Variants in LAMA2 observed in about 807,000 individuals in gnomAD.
The protein encoded by LAMA2 is laminin subunit alpha-2.
In LAMA2, 269 loss-of-function variants were observed where a neutral mutation model predicts 364.8. That is an observed-to-expected ratio of 0.74 (90% confidence interval 0.67 to 0.82). LAMA2 has a LOEUF of 0.82. Ranked by LOEUF, LAMA2 falls within the 40% of genes least tolerant of loss-of-function variation. The pLI, the probability that LAMA2 is intolerant of heterozygous loss-of-function variation, is 0.00. For synonymous variants in LAMA2, 1,379 were observed against 1,370.6 expected, an observed-to-expected ratio of 1.01 and a Z score of -0.14; for missense variants, 3,807 against 3,873.2, an observed-to-expected ratio of 0.98 and a Z score of 0.45.
chr6:128,960,584 G>C (rs550768897), intron 1 of LAMA2, among the ~76,000 whole-genome samples: 1 of 151,808 alleles, frequency 6.6e-6, no homozygotes, highest in Non-Finnish European at 1.5e-5. Flanking sequence ...GGTCTGGAAC[G>C]CCTGACCTCG....
rs773370629 is a variant in LAMA2, at chr6:129,393,269, G to T, written c.5445+14G>T. 11 of 1,594,654 alleles carry T rather than the reference G, an allele frequency of 6.9e-6. No homozygotes were observed. Among genetic ancestry groups the T allele is most frequent in the Non-Finnish European group, 9.5e-6 (11 of 1,162,574 alleles). On this transcript the variant is annotated intron_variant, in intron 37 of 64. Transcript: ENST00000421865. ...ACTGCATTGGAGGTGAGTCTTAGGG[G>T]CACTTTTATCTTAATCTCAGAAGGT...
intron 3 of LAMA2, among the ~76,000 whole-genome samples, chr6:129,091,514 C>G (rs1309826859): frequency 6.6e-6 from 1 of 152,118 alleles, no homozygotes; most frequent in Non-Finnish European, 1.5e-5. Flanking sequence ...GTTTGCTTAC[C>G]TGCAACTTCA....
intron 3 of LAMA2, among the ~76,000 whole-genome samples, chr6:129,089,474 A>G (rs1774668793): frequency 6.6e-6 from 1 of 152,192 alleles, no homozygotes; most frequent in Admixed American, 6.5e-5. Context: ...CATATTTCTG[A>G]TTGCCTGTGA....
chr6:129,060,413 G>A lies in LAMA2; in HGVS notation c.396+517G>A, dbSNP rs190637276. ...TTTGTAGTTATACAAAATTGATGCC[G>A]GAAGTTGTTCAAGTTTGTCTTGCAT... On this transcript the variant is annotated intron_variant, in intron 3 of 64. Coordinates refer to ENST00000421865, the MANE Select transcript of LAMA2 (RefSeq NM_000426.4). 1.6e-4 allele frequency among the ~76,000 whole-genome samples: 25 copies of A among 152,266 alleles called. No individual in the cohort carries two copies. In the East Asian group the frequency reaches 1.7e-3, roughly 11 times the overall value.
chr6:129,333,998 A>G (rs370921616), intron 29 of LAMA2, among the ~76,000 whole-genome samples: 19 of 152,326 alleles, frequency 1.2e-4, no homozygotes, highest in African/African-American at 4.6e-4. Context: ...CAGCTGGTAT[A>G]AACCGTTATG....
intron 12 of LAMA2, among the ~76,000 whole-genome samples, chr6:129,217,198 T>A (rs265359): frequency 0.67 from 100,333 of 149,942 alleles, 35,151 homozygotes; most frequent in Non-Finnish European, 0.78. Flanking sequence ...AAAAAAAAAA[T>A]AATAATAATA....
chr6:129,105,646 A>C (rs1411791758), intron 4 of LAMA2, among the ~76,000 whole-genome samples: 2 of 152,216 alleles, frequency 1.3e-5, no homozygotes, highest in African/African-American at 4.8e-5. Context: ...CAACTGAAGA[A>C]AGAGACTAAC....
chr6:129,294,321 G>T (rs990249888), intron 20 of LAMA2, among the ~76,000 whole-genome samples: 9 of 152,164 alleles, frequency 5.9e-5, no homozygotes, highest in African/African-American at 1.7e-4. Flanking sequence ...CATTCAGAGT[G>T]CTATAAGAGC....
At chr6:128,908,475 G>A (rs1246412988) in intron 1 of LAMA2, among the ~76,000 whole-genome samples, 30 of 147,780 alleles carry the variant, frequency 2.0e-4, no homozygotes, top group Non-Finnish European at 3.2e-4. Context: ...TGGGATCGGT[G>A]GTGATATCCC....
At chr6:129,004,592 T>C (rs1784325639) in intron 1 of LAMA2, among the ~76,000 whole-genome samples, 1 of 152,162 alleles carries the variant, frequency 6.6e-6, no homozygotes, top group South Asian at 2.1e-4. Flanking sequence ...CAGCCTAATG[T>C]ATTGCCTTCT....
At chr6:129,382,354 T>A (rs780877710) in intron 34 of LAMA2, among the ~76,000 whole-genome samples, 1 of 152,236 alleles carries the variant, frequency 6.6e-6, no homozygotes, top group African/African-American at 2.4e-5. Context: ...TGACTAAATA[T>A]GGTATATTTT....
chr6:129,371,607 CTT>C (rs376262275), intron 34 of LAMA2, among the ~76,000 whole-genome samples: 17 of 132,532 alleles, frequency 1.3e-4, no homozygotes, highest in Admixed American at 4.6e-4. Flanking sequence ...AAAAGTATTT[CTT>C]TTTTTTTTTT....
At chr6:128,917,706 T>TTTTC (rs5879915) in intron 1 of LAMA2, among the ~76,000 whole-genome samples, 55,730 of 97,996 alleles carry the variant, frequency 0.57, 16,181 homozygotes, top group South Asian at 0.67. Flanking sequence ...TTTCTTTTTT[T>TTTTC]TTTCTTTCTT....
At chr6:128,898,035 A>T (rs1776875052) in intron 1 of LAMA2, among the ~76,000 whole-genome samples, 1 of 152,216 alleles carries the variant, frequency 6.6e-6, no homozygotes, top group Non-Finnish European at 1.5e-5. Context: ...CACCTTTAAG[A>T]GAATGAAAAT....
intron 43 of LAMA2, 24 bp downstream of exon 43, chr6:129,441,022 A>G: frequency 6.3e-7 from 1 of 1,593,736 alleles, no homozygotes; most frequent in Non-Finnish European, 8.6e-7. Flanking sequence ...TTTCATTGTG[A>G]TGATGTCATT....
At chr6:129,259,206 T>C (rs560977008) in intron 14 of LAMA2, among the ~76,000 whole-genome samples, 1 of 152,232 alleles carries the variant, frequency 6.6e-6, no homozygotes, top group East Asian at 1.9e-4. Flanking sequence ...AGCTTACAAT[T>C]TGGATAAAGA....
intron 32 of LAMA2, among the ~76,000 whole-genome samples, chr6:129,355,309 T>C (rs1777091288): frequency 6.6e-6 from 1 of 152,208 alleles, no homozygotes; most frequent in East Asian, 1.9e-4. Context: ...TTTAGACTTT[T>C]CATCTTTTCT....
chr6:129,273,770 A>G (rs1327666273), intron 17 of LAMA2, among the ~76,000 whole-genome samples: 4 of 152,080 alleles, frequency 2.6e-5, no homozygotes, highest in Non-Finnish European at 5.9e-5. Flanking sequence ...AATTTGGTAT[A>G]ATTACGTTGA....
At chr6:128,928,845 C>T (rs1779260950) in intron 1 of LAMA2, 2 of 622,978 alleles carry the variant, frequency 3.2e-6, no homozygotes, top group African/African-American at 1.8e-5. Flanking sequence ...ATACACTGTT[C>T]ACCAATTTGA....
Sources: allele counts gnomAD v4.1 joint callset (sites outside exome capture counted in the v4.1 genomes callset), GRCh38; gene constraint gnomAD v4.1.1; transcripts MANE v1.5; gene names NCBI Gene and HGNC (gene_info 2026-07-23, HGNC 2026-07-21).